The following AFF1 variants were observed in gnomAD, a reference collection of about 807,000 sequenced individuals.
The protein encoded by AFF1 is AF4/FMR2 family member 1.
AFF1 carries 48 observed loss-of-function variants against 121.7 expected under a neutral mutation model. The ratio of observed to expected loss-of-function variants is 0.39; its 90% CI spans 0.31 to 0.50. The LOEUF is 0.50. Among genes scored for constraint, AFF1 ranks in the 20% least tolerant of loss-of-function variants. The pLI, the probability that AFF1 is intolerant of heterozygous loss-of-function variation, is 0.76. For synonymous variants in AFF1, 613 were observed against 563.0 expected (o/e 1.09, Z -1.26); for missense variants, 1,523 against 1,511.7 (o/e 1.01, Z -0.12).
rs1312006500 is a variant in AFF1, at chr4:87,126,139, C to G, written c.2614C>G (p.Leu872Val). ...CTCACAGTCCTCAAAGAAGGAAATG[C>G]TCCCCCCGCCACCCGTGTCCTCGTC... is the stretch of plus-strand genomic sequence containing the variant. ...PSSQSSKKEM[L>V]PPPPVSSSSQ... is the part of the protein sequence containing the mutation. The change falls in exon 14 of 21, where the codon CTC (leucine) becomes GTC (valine). Residue 872 changes from leucine (L) to valine (V), a missense_variant. This residue lies in a region of AFF1 where 905 missense variants were observed against 842.5 expected (regional missense o/e 1.07). Coordinates refer to ENST00000395146, the MANE Select transcript of AFF1 (RefSeq NM_001166693.3). 1.2e-6 allele frequency: 2 copies of G among 1,614,058 alleles called. No individual in the cohort carries two copies. The highest frequency in any genetic ancestry group is 2.2e-5 in the East Asian group (1 of 44,900).
intron 1 of AFF1, among the ~76,000 whole-genome samples, chr4:86,941,309 G>C (rs990747183): frequency 1.3e-5 from 2 of 152,132 alleles, no homozygotes; most frequent in African/African-American, 4.8e-5. Context: ...TCATGAGTTT[G>C]AGACCAGCCT....
In AFF1 at chr4:87,057,188, A is replaced by T. The variant is rs141330960; in HGVS notation, c.1059+9594A>T. Among the ~76,000 whole-genome samples, 140 of 152,260 alleles carry T rather than the reference A, an allele frequency of 9.2e-4. 1 individual carries two copies. Among genetic ancestry groups the T allele is most frequent in the African/African-American group, 2.9e-3 (120 of 41,550 alleles). On this transcript the variant is annotated intron_variant, in intron 4 of 20. Coordinates refer to ENST00000395146, the MANE Select transcript of AFF1 (RefSeq NM_001166693.3). Reference sequence around the variant, plus strand: ...GAAAAGACATAGAAGCAAGACACGGAGGGAAATCTAGTGGGAGTGGCAGGG... The same window carrying T: ...GAAAAGACATAGAAGCAAGACACGGTGGGAAATCTAGTGGGAGTGGCAGGG...
chr4:87,068,215 T>C (rs1721579327), intron 4 of AFF1, among the ~76,000 whole-genome samples: 1 of 151,998 alleles, frequency 6.6e-6, no homozygotes, highest in Non-Finnish European at 1.5e-5. Flanking sequence ...TGTATTGTTA[T>C]TTTTGTTCCT....
At chr4:87,072,506 TTTATTTA>T (rs540060738) in intron 4 of AFF1, among the ~76,000 whole-genome samples, 19 of 151,904 alleles carry the variant, frequency 1.3e-4, no homozygotes, top group Non-Finnish European at 2.2e-4. Context: ...GCCCCTTGTA[TTTATTTA>T]TTATTTATTT....
At chr4:87,101,715 A>C (rs186764361) in intron 8 of AFF1, among the ~76,000 whole-genome samples, 6 of 152,292 alleles carry the variant, frequency 3.9e-5, no homozygotes, top group Middle Eastern at 3.4e-3. Context: ...ACACATTCTC[A>C]CATACTTGTT....
intron 2 of AFF1, among the ~76,000 whole-genome samples, chr4:87,043,881 C>T (rs899084350): frequency 4.6e-5 from 7 of 151,746 alleles, no homozygotes; most frequent in African/African-American, 1.5e-4. Flanking sequence ...TACAGTGGTG[C>T]GATCTCAGCT....
At chr4:87,007,485 C>G (rs2149529802) in intron 2 of AFF1, 1 of 1,599,572 alleles carries the variant, frequency 6.3e-7, no homozygotes, top group Non-Finnish European at 8.6e-7. Flanking sequence ...CTGAAGGTTG[C>G]GGGGGAGGGC....
intron 4 of AFF1, among the ~76,000 whole-genome samples, chr4:87,080,631 G>C (rs1211500486): frequency 6.6e-6 from 1 of 152,208 alleles, no homozygotes; most frequent in Non-Finnish European, 1.5e-5. Flanking sequence ...GCCCAGGCCA[G>C]CCTGGGCACC....
At chr4:87,085,339 T>A (rs1181683408) in intron 5 of AFF1, among the ~76,000 whole-genome samples, 1 of 150,560 alleles carries the variant, frequency 6.6e-6, no homozygotes, top group African/African-American at 2.5e-5. Context: ...ACTGAGGGTT[T>A]TGTGTATTTT....
chr4:87,051,313 C>T (rs375795), intron 4 of AFF1, among the ~76,000 whole-genome samples: 87,171 of 151,856 alleles, frequency 0.57, 27,397 homozygotes, highest in African/African-American at 0.86. Flanking sequence ...TCACCCAGAC[C>T]GAACCTACAG....
At chr4:86,943,457 G>A (rs893229150) in intron 1 of AFF1, among the ~76,000 whole-genome samples, 3 of 152,208 alleles carry the variant, frequency 2.0e-5, no homozygotes, top group African/African-American at 7.2e-5. Flanking sequence ...TATAGTTGAC[G>A]AGGGACTAAC....
chr4:87,106,180 C>T (rs79338512), intron 10 of AFF1, among the ~76,000 whole-genome samples: 3 of 152,058 alleles, frequency 2.0e-5, no homozygotes, highest in South Asian at 4.1e-4. Flanking sequence ...GTCAGGAGTT[C>T]GAGACCAGCC....
At chr4:87,109,347 C>A (rs1392024254) in intron 11 of AFF1, among the ~76,000 whole-genome samples, 1 of 152,168 alleles carries the variant, frequency 6.6e-6, no homozygotes, top group African/African-American at 2.4e-5. Context: ...AAATAACTGG[C>A]TGTCATTTTC....
At chr4:87,007,534 C>G (rs1309685764) in intron 2 of AFF1, 2 of 1,417,100 alleles carry the variant, frequency 1.4e-6, no homozygotes, top group South Asian at 1.2e-5. Flanking sequence ...GCAGCTTTGT[C>G]ATTGCCTTCT....
At chr4:87,091,659 A>G in intron 6 of AFF1, 134 bp from the exon 7 acceptor site, 1 of 630,780 alleles carries the variant, frequency 1.6e-6, no homozygotes, top group Non-Finnish European at 2.7e-6. Flanking sequence ...GGTATTCTCT[A>G]CACTGTTTCC....
Position 87,136,732 on chromosome 4 carries a change from C to T in AFF1, c.*1031C>T, listed in dbSNP as rs999435469. 2.6e-5 allele frequency: 6 copies of T among 227,988 alleles called. No individual in the cohort carries two copies. Among genetic ancestry groups the T allele is most frequent in the South Asian group, 1.8e-4 (1 of 5,496 alleles). 14.1% of individuals were successfully genotyped at this position (227,988 alleles called of 1,614,324 possible). On this transcript the variant is annotated 3_prime_UTR_variant, in exon 21 of 21. Transcript: ENST00000395146. ...ATGTTGTCCAGCCAACTCAGAGTTT[C>T]GTCAGTGAACAAGAAACATGAAATC...
intron 2 of AFF1, among the ~76,000 whole-genome samples, chr4:86,958,298 T>C (rs1011829534): frequency 9.9e-5 from 15 of 151,570 alleles, no homozygotes; most frequent in Non-Finnish European, 1.9e-4. Context: ...TTTCACCATG[T>C]TAGGCTGGTC....
intron 7 of AFF1, among the ~76,000 whole-genome samples, chr4:87,093,707 A>G (rs1724546142): frequency 6.6e-6 from 1 of 152,200 alleles, no homozygotes; most frequent in Non-Finnish European, 1.5e-5. Context: ...CCATTTGAAA[A>G]TATCATATAA....
intron 12 of AFF1, among the ~76,000 whole-genome samples, chr4:87,120,937 A>T (rs1418815727): frequency 6.6e-6 from 1 of 152,172 alleles, no homozygotes; most frequent in Non-Finnish European, 1.5e-5. Context: ...TCCCTGACGG[A>T]AACTGACTTG....
Sources: allele counts gnomAD v4.1 joint callset (sites outside exome capture counted in the v4.1 genomes callset), GRCh38; gene constraint gnomAD v4.1.1; regional missense constraint gnomAD v4.1.1; transcripts MANE v1.5; gene names NCBI Gene and HGNC (gene_info 2026-07-23, HGNC 2026-07-21).